SLC38A1: variants seen among roughly 807,000 people sequenced by gnomAD.
SLC38A1 encodes the protein sodium-coupled neutral amino acid symporter 1.
In SLC38A1, 18 loss-of-function variants were observed where a neutral mutation model predicts 60.3. That is an observed-to-expected ratio of 0.30 (90% CI 0.21 to 0.44). SLC38A1 has a LOEUF of 0.44. SLC38A1 is among the 20% of genes least tolerant of loss of function. The pLI is 1.00. For synonymous variants in SLC38A1, 196 were observed against 212.1 expected, an observed-to-expected ratio of 0.92 and a Z score of 0.66; for missense variants, 448 against 587.2, an observed-to-expected ratio of 0.76 and a Z score of 2.45.
intron 16 of SLC38A1, among the ~76,000 whole-genome samples, chr12:46,196,824 C>A (rs572583454): frequency 4.6e-5 from 7 of 152,310 alleles, no homozygotes; most frequent in African/African-American, 7.2e-5. Context: ...GCTTCCCTCA[C>A]TGTCTCCAAG....
intron 1 of SLC38A1, among the ~76,000 whole-genome samples, chr12:46,254,512 A>G (rs1392606550): frequency 1.3e-5 from 2 of 152,214 alleles, no homozygotes; most frequent in African/African-American, 4.8e-5. Flanking sequence ...TGCTCCATAG[A>G]AGGAATCTCA....
chr12:46,231,889 T>C (rs745984308), intron 3 of SLC38A1, among the ~76,000 whole-genome samples: 2 of 152,242 alleles, frequency 1.3e-5, no homozygotes, highest in African/African-American at 2.4e-5. Flanking sequence ...GTGTTGGGAT[T>C]ACAGGCATGA....
At chr12:46,265,358 C>T (rs1942320325) in intron 1 of SLC38A1, among the ~76,000 whole-genome samples, 1 of 152,212 alleles carries the variant, frequency 6.6e-6, no homozygotes, top group South Asian at 2.1e-4. Flanking sequence ...GAAGGATAAA[C>T]AAATACTTAT....
At chr12:46,222,742 C>T (rs183591345) in intron 5 of SLC38A1, among the ~76,000 whole-genome samples, 38 of 152,292 alleles carry the variant, frequency 2.5e-4, no homozygotes, top group Admixed American at 7.2e-4. Context: ...AGTTCAACAG[C>T]TCCTGAAAGC....
At chr12:46,220,029 T>G (rs745648730) in intron 5 of SLC38A1, among the ~76,000 whole-genome samples, 36 of 152,220 alleles carry the variant, frequency 2.4e-4, no homozygotes, top group Non-Finnish European at 4.8e-4. Context: ...ATCAGATGCA[T>G]CACAGACGAC....
chr12:46,204,069 C>G (rs562515082), intron 11 of SLC38A1, among the ~76,000 whole-genome samples: 1 of 152,088 alleles, frequency 6.6e-6, no homozygotes. Flanking sequence ...AAAGCTGAGA[C>G]AATTATCCAG....
Position 46,251,138 on chromosome 12 carries a change from A to T in SLC38A1, c.-208-7824T>A, listed in dbSNP as rs549950238. ...ATCAAAACAGCATGGTACTGGTACC[A>T]AAACAGATATATGGACCAATGGAAC... is the stretch of plus-strand genomic sequence containing the variant. On this transcript the variant is annotated intron_variant, in intron 1 of 16. Coordinates refer to ENST00000398637, the MANE Select transcript of SLC38A1 (RefSeq NM_030674.4). 5.3e-5 allele frequency among the ~76,000 whole-genome samples: 8 copies of T among 152,352 alleles called. No individual in the cohort carries two copies. In the South Asian group the frequency reaches 6.2e-4, roughly 12 times the overall value.
rs1938882244 is a variant in SLC38A1, at chr12:46,184,851, A to T, written c.*4119T>A. 6.6e-6 allele frequency: 1 copy of T among 152,328 alleles called. No individual in the cohort carries two copies. The highest frequency in any genetic ancestry group is 2.4e-5 in the African/African-American group (1 of 41,566). 9.4% of individuals were successfully genotyped at this position (152,328 alleles called of 1,614,324 possible). A position where few individuals can be genotyped will look rare whatever the true frequency, so the allele number is the denominator to read the frequency against. Reference sequence around the variant, plus strand: ...TCATTTCCTCACAGCTTTAAAAAATAAAATATTATCATGCCTCAGCCCGAG... The same window carrying T: ...TCATTTCCTCACAGCTTTAAAAAATTAAATATTATCATGCCTCAGCCCGAG... On this transcript the variant is annotated 3_prime_UTR_variant, in exon 17 of 17. Transcript: ENST00000398637.
chr12:46,265,594 G>A (rs1942327285), intron 1 of SLC38A1, among the ~76,000 whole-genome samples: 1 of 152,174 alleles, frequency 6.6e-6, no homozygotes, highest in South Asian at 2.1e-4. Flanking sequence ...AGATTGTGAA[G>A]GGTCCTAAGT....
chr12:46,256,656 G>C (rs1233606656), intron 1 of SLC38A1, among the ~76,000 whole-genome samples: 1 of 151,086 alleles, frequency 6.6e-6, no homozygotes, highest in African/African-American at 2.4e-5. Flanking sequence ...GAGAGAGAGA[G>C]AGAGACCAGA....
chr12:46,228,520 C>T lies in SLC38A1; in HGVS notation c.314+633G>A, dbSNP rs541930044. ...ACATTTGAGAGGGAATCAGGCTGGGCGAGAATTTTCTTAGTACAAATTCTA... is the reference window on the plus strand; with the variant it reads ...ACATTTGAGAGGGAATCAGGCTGGGTGAGAATTTTCTTAGTACAAATTCTA... On this transcript the variant is annotated intron_variant, in intron 5 of 16. Transcript: ENST00000398637. Among the ~76,000 whole-genome samples the T allele has an allele frequency of 2.8e-3, 422 of 152,248 alleles. 1 individual carries two copies. Among genetic ancestry groups the T allele is most frequent in the African/African-American group, 9.5e-3 (393 of 41,554 alleles).
At chr12:46,202,769 A>ATGGTTG (rs1284320094) in intron 12 of SLC38A1, among the ~76,000 whole-genome samples, 2 of 152,224 alleles carry the variant, frequency 1.3e-5, no homozygotes, top group East Asian at 3.9e-4. Flanking sequence ...AAAAGCCCAC[A>ATGGTTG]TGGTTGGCTA....
At chr12:46,221,722 T>C (rs1232686929) in intron 5 of SLC38A1, among the ~76,000 whole-genome samples, 1 of 152,188 alleles carries the variant, frequency 6.6e-6, no homozygotes, top group Non-Finnish European at 1.5e-5. Context: ...AGGAAGAATT[T>C]GGCATTAATC....
chr12:46,244,270 A>G (rs1230647041), intron 1 of SLC38A1, among the ~76,000 whole-genome samples: 2 of 152,228 alleles, frequency 1.3e-5, no homozygotes, highest in African/African-American at 2.4e-5. Flanking sequence ...ACTGTGTCTA[A>G]CAATAGGTAA....
rs186784649 is a variant in SLC38A1, at chr12:46,264,620, T to G, written c.-209+3906A>C. Reference sequence around the variant, plus strand: ...TAATCTTTTAATTTTACTTAAAATTTTTTTATTTCAATAGATTTTGGGGTA... The same window carrying G: ...TAATCTTTTAATTTTACTTAAAATTGTTTTATTTCAATAGATTTTGGGGTA... On this transcript the variant is annotated intron_variant, in intron 1 of 16. Transcript: ENST00000398637. 1.8e-4 allele frequency among the ~76,000 whole-genome samples: 28 copies of G among 152,316 alleles called. No homozygotes were observed. In the East Asian group the frequency reaches 5.4e-3, roughly 29 times the overall value.
In SLC38A1 at chr12:46,229,595, C is replaced by T; in HGVS notation, c.167G>A (p.Ser56Asn). The T allele has an allele frequency of 2.5e-6, 4 of 1,613,476 alleles. No homozygotes were observed. Among genetic ancestry groups the T allele is most frequent in the Non-Finnish European group, 3.4e-6 (4 of 1,179,726 alleles). The change falls in exon 4 of 17, where the codon AGC becomes AAC. Residue 56 changes from serine to asparagine, a missense_variant. Ser to Asn is a conservative substitution (Grantham distance 46, BLOSUM62 1). This residue lies in a region of SLC38A1 where 102 missense variants were observed against 89.7 expected (regional missense o/e 1.14). Transcript: ENST00000398637. The part of the protein sequence containing the change: ...DRESRRSLTN[S>N]HLEKKKCDEY... ...ATCACACTTCTTTTTTTCCAAATGG[C>T]TGTTTGTGAGACTTCTTCTACTTTC...
At chr12:46,264,276 C>T (rs4768109) in intron 1 of SLC38A1, among the ~76,000 whole-genome samples, 79,977 of 151,992 alleles carry the variant, frequency 0.53, 21,175 homozygotes, top group Non-Finnish European at 0.55. Flanking sequence ...CTCTGAGGTA[C>T]GCAGCACTGA....
At chr12:46,213,630 A>G (rs140657488) in intron 5 of SLC38A1, among the ~76,000 whole-genome samples, 4,901 of 152,248 alleles carry the variant, frequency 0.032, 126 homozygotes, top group Non-Finnish European at 0.051. Flanking sequence ...TATCATTTCT[A>G]TCTCCAAAAT....
intron 3 of SLC38A1, among the ~76,000 whole-genome samples, chr12:46,234,534 G>A (rs1359498890): frequency 4.7e-5 from 7 of 147,986 alleles, no homozygotes; most frequent in African/African-American, 1.5e-4. Flanking sequence ...TGCAAGCTCC[G>A]CCTCCTGGGT....
Sources: allele counts gnomAD v4.1 joint callset (sites outside exome capture counted in the v4.1 genomes callset), GRCh38; gene constraint gnomAD v4.1.1; regional missense constraint gnomAD v4.1.1; transcripts MANE v1.5; gene names NCBI Gene and HGNC (gene_info 2026-07-23, HGNC 2026-07-21).